The following INTS4 variants were observed in gnomAD, a reference collection of about 807,000 sequenced individuals.
INTS4 encodes integrator complex subunit 4, also known as MSTP093.
INTS4 carries 70 observed loss-of-function variants against 119.5 expected under a neutral mutation model. That is an observed-to-expected ratio of 0.59 (90% confidence interval 0.48 to 0.71). The LOEUF (loss-of-function observed/expected upper bound fraction) is 0.71. Among genes scored for constraint, INTS4 ranks in the 30% least tolerant of loss-of-function variants. INTS4 has a pLI of 0.00. For missense variants in INTS4, 867 were observed against 1,173.2 expected (o/e 0.74, Z 3.81); for synonymous variants, 316 against 419.6 (o/e 0.75, Z 3.02).
At chr11:77,988,895 G>A (rs1591153044) in intron 2 of INTS4, among the ~76,000 whole-genome samples, 1 of 152,138 alleles carries the variant, frequency 6.6e-6, no homozygotes, top group African/African-American at 2.4e-5. Context: ...AACTGTTGTA[G>A]ATTTTTGAAA....
At chr11:77,882,868 C>T (rs964861419) in intron 22 of INTS4, among the ~76,000 whole-genome samples, 3 of 152,102 alleles carry the variant, frequency 2.0e-5, no homozygotes, top group Non-Finnish European at 4.4e-5. Flanking sequence ...GTCAGGAGTT[C>T]GAGACTAGCT....
At position 77,924,841 on chromosome 11, in the gene INTS4, T is replaced by C. The variant is rs1201026452; in HGVS notation, c.1423A>G (p.Asn475Asp). 1 of 1,590,284 alleles carries C rather than the reference T, an allele frequency of 6.3e-7. No individual in the cohort carries two copies. Among genetic ancestry groups the C allele is most frequent in the Non-Finnish European group, 8.6e-7 (1 of 1,158,500 alleles). ...EALHELLCCT[N>D]VSTKEGIHLA... ...TGAATCCCTTCTTTGGTTGAAACAT[T>C]AGTACAGCATAAGAGTTCATGAAGA... Residue 475 changes from asparagine (N) to aspartate (D), a missense_variant, in exon 12 of 23, where the codon AAT (asparagine) becomes GAT (aspartate). Transcript: ENST00000534064.
intron 8 of INTS4, among the ~76,000 whole-genome samples, chr11:77,954,042 G>C (rs1045998464): frequency 2.6e-4 from 40 of 151,706 alleles, no homozygotes; most frequent in African/African-American, 9.7e-4. Flanking sequence ...TCGATCTCTT[G>C]ACCTCGTGAT....
At chr11:77,933,026 G>A (rs1361509668) in intron 10 of INTS4, among the ~76,000 whole-genome samples, 1 of 151,780 alleles carries the variant, frequency 6.6e-6, no homozygotes, top group Non-Finnish European at 1.5e-5. Flanking sequence ...GTTGACGGGT[G>A]CAGCAAACCA....
chr11:77,943,160 T>G (rs1160781877), intron 8 of INTS4, among the ~76,000 whole-genome samples: 1 of 152,130 alleles, frequency 6.6e-6, no homozygotes, highest in South Asian at 2.1e-4. Context: ...TAATTCCCAG[T>G]GCCCTCCTCC....
At chr11:77,971,951 G>T (rs546628573) in intron 4 of INTS4, among the ~76,000 whole-genome samples, 37 of 152,126 alleles carry the variant, frequency 2.4e-4, no homozygotes, top group African/African-American at 8.7e-4. Context: ...ATGGTGTGAG[G>T]TAAGTTTCCA....
At chr11:77,889,987 G>A (rs1006420188) in intron 21 of INTS4, among the ~76,000 whole-genome samples, 7 of 152,130 alleles carry the variant, frequency 4.6e-5, no homozygotes, top group Admixed American at 1.3e-4. Context: ...CACTGACTAC[G>A]TATTAGAATC....
chr11:77,975,494 A>G (rs1231291463), intron 4 of INTS4, among the ~76,000 whole-genome samples: 1 of 141,560 alleles, frequency 7.1e-6, no homozygotes, highest in African/African-American at 2.7e-5. Flanking sequence ...TCTCAATTAC[A>G]AAAAAAAAAA....
At chr11:77,899,951 A>G (rs900023961) in intron 18 of INTS4, among the ~76,000 whole-genome samples, 2 of 152,132 alleles carry the variant, frequency 1.3e-5, no homozygotes, top group African/African-American at 4.8e-5. Context: ...CTTACCCTGT[A>G]ATATTTTAAT....
intron 5 of INTS4, 101 bp downstream of exon 5, chr11:77,960,852 A>ATAT: frequency 9.5e-7 from 1 of 1,057,146 alleles, no homozygotes; most frequent in South Asian, 1.8e-5. Context: ...TCCTGAAAGT[A>ATAT]TATGCTGAAG....
At chr11:77,931,455 A>C (rs529193941) in intron 10 of INTS4, among the ~76,000 whole-genome samples, 3 of 152,356 alleles carry the variant, frequency 2.0e-5, no homozygotes, top group South Asian at 2.1e-4. Flanking sequence ...TTTTAAACTT[A>C]AGTTAATTTG....
rs1344166831 is a variant in INTS4, at chr11:77,878,797, C to T, written c.*152G>A. ...GGTTTTTTATTTTTTAATGAAGAAA[C>T]AATTTATCCTGTGTTTGATACCAGA... On this transcript the variant is annotated 3_prime_UTR_variant, in exon 23 of 23. Coordinates refer to ENST00000534064, the MANE Select transcript of INTS4 (RefSeq NM_033547.4). 2.7e-6 allele frequency: 2 copies of T among 733,750 alleles called. No homozygotes were observed. The highest frequency in any genetic ancestry group is 1.5e-5 in the South Asian group (1 of 66,466). The allele number at this position is 733,750 out of a possible 1,614,324, so 45.5% of individuals were successfully genotyped here.
chr11:77,946,188 G>C (rs1274601802), intron 8 of INTS4, among the ~76,000 whole-genome samples: 1 of 152,172 alleles, frequency 6.6e-6, no homozygotes, highest in African/African-American at 2.4e-5. Context: ...AGGCAACTGA[G>C]GCAATTGCAA....
chr11:77,901,443 C>T lies in INTS4; in HGVS notation c.2206G>A (p.Val736Ile), dbSNP rs71469586. 6.2e-7 allele frequency: 1 copy of T among 1,613,926 alleles called. No homozygotes were observed. ...TACCCTCGTGTAGTTCGTGCTGTTA[C>T]TATAAGTTGCAAAGCTTTGGCCTGC... ...RLQAKALQLI[V>I]TARTTRGLDP... Residue 736 changes from valine to isoleucine, a missense_variant, in exon 18 of 23, where the codon GTA (valine) becomes ATA (isoleucine). Transcript: ENST00000534064.
At chr11:77,933,295 A>G (rs952745445) in intron 10 of INTS4, among the ~76,000 whole-genome samples, 4 of 149,910 alleles carry the variant, frequency 2.7e-5, no homozygotes, top group Non-Finnish European at 4.4e-5. Context: ...CTGTACTGCC[A>G]CCATCTCGGC....
chr11:77,920,300 T>C (rs1387141749), intron 14 of INTS4, among the ~76,000 whole-genome samples: 2 of 148,472 alleles, frequency 1.3e-5, no homozygotes, highest in African/African-American at 2.5e-5. Flanking sequence ...TATACACACA[T>C]ATATATAAAT....
At position 77,974,238 on chromosome 11, in the gene INTS4, C is replaced by CT. The variant is rs60093605; in HGVS notation, c.471+4757dup. The stretch of plus-strand genomic sequence containing the variant: ...TTTATTGGTATATAATTTTTCTTTT[C>CT]TTTTTTTTTTTTTTTTTTTTTTGAG... On this transcript the variant is annotated intron_variant, in intron 4 of 22. Coordinates refer to ENST00000534064, the MANE Select transcript of INTS4 (RefSeq NM_033547.4). 4.1e-3 allele frequency among the ~76,000 whole-genome samples: 344 copies of CT among 84,276 alleles called. 2 individuals carry two copies. Among genetic ancestry groups the CT allele is most frequent in the East Asian group, 9.5e-3 (26 of 2,744 alleles). The allele number at this position is 84,276 out of a possible 152,430, so 55.3% of individuals were successfully genotyped here.
intron 15 of INTS4, among the ~76,000 whole-genome samples, chr11:77,910,065 T>C (rs1953054232): frequency 6.6e-6 from 1 of 151,992 alleles, no homozygotes; most frequent in Non-Finnish European, 1.5e-5. Flanking sequence ...ACTAGAAATA[T>C]CATTTGACCC....
intron 21 of INTS4, chr11:77,884,973 T>C (rs1345585955): frequency 5.1e-6 from 1 of 197,098 alleles, no homozygotes; most frequent in Non-Finnish European, 1.1e-5. Flanking sequence ...TTGCCCAGGC[T>C]AGTCTCCAAC....
Sources: allele counts gnomAD v4.1 joint callset (sites outside exome capture counted in the v4.1 genomes callset), GRCh38; gene constraint gnomAD v4.1.1; transcripts MANE v1.5; gene names NCBI Gene and HGNC (gene_info 2026-07-23, HGNC 2026-07-21).